CACNA2D3: variants seen among roughly 807,000 people sequenced by gnomAD.
CACNA2D3 encodes the protein voltage-dependent calcium channel subunit alpha-2/delta-3.
Under a neutral mutation model 160.6 loss-of-function variants are expected in CACNA2D3, and 60 were observed. That is an observed-to-expected ratio of 0.37 (90% confidence interval 0.30 to 0.46). The LOEUF is 0.46. Among genes scored for constraint, CACNA2D3 ranks in the 20% least tolerant of loss-of-function variants. The pLI is 1.00. For synonymous variants in CACNA2D3, 558 were observed against 492.9 expected, an observed-to-expected ratio of 1.13 and a Z score of -1.75; for missense variants, 1,205 against 1,365.0, an observed-to-expected ratio of 0.88 and a Z score of 1.85.
At chr3:54,561,902 A>G (rs1197379768) in intron 5 of CACNA2D3, among the ~76,000 whole-genome samples, 4 of 152,240 alleles carry the variant, frequency 2.6e-5, no homozygotes, top group Non-Finnish European at 5.9e-5. Flanking sequence ...GGCAGAAGGC[A>G]AAGGAGGAGC....
At chr3:54,882,736 C>G (rs564697425) in intron 21 of CACNA2D3, among the ~76,000 whole-genome samples, 1 of 152,224 alleles carries the variant, frequency 6.6e-6, no homozygotes, top group Admixed American at 6.5e-5. Flanking sequence ...TGTCATCTCT[C>G]TAGGAGCCGT....
At chr3:54,940,896 A>C (rs976885276) in intron 27 of CACNA2D3, among the ~76,000 whole-genome samples, 1 of 152,190 alleles carries the variant, frequency 6.6e-6, no homozygotes, top group African/African-American at 2.4e-5. Context: ...GTATGTTTGC[A>C]TCTTGAAAAA....
In CACNA2D3 at chr3:54,299,354, G is replaced by A. The variant is rs903312692; in HGVS notation, c.205-21088G>A. ...CCTCAGAGAGTCCCAGTCCCGCTCCGCTAGCCTAGCCACTCTCTCTTCTGT... is the reference window on the plus strand; with the variant it reads ...CCTCAGAGAGTCCCAGTCCCGCTCCACTAGCCTAGCCACTCTCTCTTCTGT... On this transcript the variant is annotated intron_variant, in intron 2 of 37. Transcript: ENST00000474759. Among the ~76,000 whole-genome samples, 12 of 152,254 alleles carry A rather than the reference G, an allele frequency of 7.9e-5. No individual in the cohort carries two copies. The South Asian group carries it at 1.7e-3, about 21-fold the overall frequency.
In CACNA2D3 at chr3:54,378,633, T is replaced by C. The variant is rs146464986; in HGVS notation, c.322-8082T>C. On this transcript the variant is annotated intron_variant, in intron 3 of 37. Coordinates refer to ENST00000474759, the MANE Select transcript of CACNA2D3 (RefSeq NM_018398.3). The stretch of plus-strand genomic sequence containing the variant: ...TGCGGGGACTTTTTAAGTTTCATGG[T>C]TAAATAGCCTTGATTTTGATAATCA... Among the ~76,000 whole-genome samples, 17 of 152,348 alleles carry C rather than the reference T, an allele frequency of 1.1e-4. No individual in the cohort carries two copies. The East Asian group carries it at 3.3e-3, about 29-fold the overall frequency.
intron 14 of CACNA2D3, among the ~76,000 whole-genome samples, chr3:54,822,022 G>A (rs1442254580): frequency 6.6e-6 from 1 of 152,140 alleles, no homozygotes; most frequent in Non-Finnish European, 1.5e-5. Context: ...GCAAAACTGA[G>A]AACTGATAAC....
At chr3:54,411,140 A>T (rs1575440705) in intron 4 of CACNA2D3, among the ~76,000 whole-genome samples, 1 of 152,204 alleles carries the variant, frequency 6.6e-6, no homozygotes, top group Non-Finnish European at 1.5e-5. Context: ...GCTGATTCTT[A>T]TGGATGAACA....
chr3:54,279,366 G>C (rs955704230), intron 2 of CACNA2D3, among the ~76,000 whole-genome samples: 1 of 152,186 alleles, frequency 6.6e-6, no homozygotes, highest in Non-Finnish European at 1.5e-5. Flanking sequence ...GACCAAACGG[G>C]ATGGCCCTAC....
intron 29 of CACNA2D3, among the ~76,000 whole-genome samples, chr3:54,973,761 A>G (rs528891648): frequency 3.9e-5 from 6 of 152,332 alleles, no homozygotes; most frequent in African/African-American, 1.4e-4. Flanking sequence ...CCCCTCTGCA[A>G]TAAATTTTTT....
chr3:54,641,228 A>G (rs563230773), intron 10 of CACNA2D3, among the ~76,000 whole-genome samples: 1 of 152,358 alleles, frequency 6.6e-6, no homozygotes, highest in South Asian at 2.1e-4. Context: ...GACATAATAC[A>G]TGTAAGGTAT....
rs1192611091 is a variant in CACNA2D3, at chr3:54,597,049, T to C, written c.963+15172T>C. Among the ~76,000 whole-genome samples, 120 of 152,132 alleles carry C rather than the reference T, an allele frequency of 7.9e-4. 2 individuals carry two copies. Reference sequence around the variant, plus strand: ...AGCATAGGGTCAGGCTCTCCATAGATAGCATTGAATGAAGGAAGAAAGAAG... The same window carrying C: ...AGCATAGGGTCAGGCTCTCCATAGACAGCATTGAATGAAGGAAGAAAGAAG... On this transcript the variant is annotated intron_variant, in intron 9 of 37. Transcript: ENST00000474759.
At chr3:54,586,061 G>A (rs780182954) in intron 9 of CACNA2D3, among the ~76,000 whole-genome samples, 3 of 152,004 alleles carry the variant, frequency 2.0e-5, no homozygotes, top group African/African-American at 4.8e-5. Context: ...TCAGGAAATC[G>A]AGACCATCCT....
intron 2 of CACNA2D3, among the ~76,000 whole-genome samples, chr3:54,247,237 G>A (rs1402861845): frequency 6.6e-6 from 1 of 152,050 alleles, no homozygotes; most frequent in Non-Finnish European, 1.5e-5. Context: ...TTGAACCCTG[G>A]AGGTAGGTGG....
intron 27 of CACNA2D3, among the ~76,000 whole-genome samples, chr3:54,955,248 G>C (rs2107028037): frequency 1.3e-5 from 2 of 152,246 alleles, no homozygotes; most frequent in Middle Eastern, 3.4e-3. Context: ...TAGGGAAGGT[G>C]AGGGGCAGAG....
At chr3:54,394,247 T>A (rs1425444406) in intron 4 of CACNA2D3, among the ~76,000 whole-genome samples, 1 of 151,902 alleles carries the variant, frequency 6.6e-6, no homozygotes, top group Admixed American at 6.6e-5. Flanking sequence ...CTTAGCTGCT[T>A]GGTTGTGCCC....
At chr3:55,020,577 C>T (rs1174187842) in intron 35 of CACNA2D3, among the ~76,000 whole-genome samples, 1 of 151,678 alleles carries the variant, frequency 6.6e-6, no homozygotes, top group Non-Finnish European at 1.5e-5. Flanking sequence ...AGGCCAGGCG[C>T]GGTGGCTCAC....
intron 11 of CACNA2D3, among the ~76,000 whole-genome samples, chr3:54,654,750 A>G (rs376062916): frequency 1.3e-5 from 2 of 152,108 alleles, no homozygotes; most frequent in African/African-American, 2.4e-5. Context: ...AGGAGATGCA[A>G]TGAGACTGAT....
At chr3:54,987,155 C>G (rs1029424365) in intron 30 of CACNA2D3, among the ~76,000 whole-genome samples, 2 of 152,208 alleles carry the variant, frequency 1.3e-5, no homozygotes, top group South Asian at 2.1e-4. Context: ...CTGCCTATGA[C>G]AAAATGAAAG....
chr3:54,242,655 C>T (rs1391182640), intron 2 of CACNA2D3, among the ~76,000 whole-genome samples: 7 of 152,170 alleles, frequency 4.6e-5, no homozygotes, highest in African/African-American at 7.2e-5. Flanking sequence ...GGTGTGACTA[C>T]GCCCGACAAA....
intron 13 of CACNA2D3, among the ~76,000 whole-genome samples, chr3:54,766,249 T>A (rs1222432707): frequency 6.6e-6 from 1 of 151,944 alleles, no homozygotes; most frequent in African/African-American, 2.4e-5. Flanking sequence ...GAATTAATAA[T>A]CTCCAATATA....
Sources: allele counts gnomAD v4.1 joint callset (sites outside exome capture counted in the v4.1 genomes callset), GRCh38; gene constraint gnomAD v4.1.1; transcripts MANE v1.5; gene names NCBI Gene and HGNC (gene_info 2026-07-23, HGNC 2026-07-21).